GRM8: variants seen among roughly 807,000 people sequenced by gnomAD.
The protein encoded by GRM8 is metabotropic glutamate receptor 8.
GRM8 carries 47 observed loss-of-function variants against 87.2 expected under a neutral mutation model. The observed-to-expected ratio is 0.54, with a 90% CI of 0.43 to 0.69. The LOEUF (loss-of-function observed/expected upper bound fraction) is 0.69. Ranked by LOEUF, GRM8 falls within the 30% of genes least tolerant of loss-of-function variation. The pLI, the probability that GRM8 is intolerant of heterozygous loss-of-function variation, is 0.00. For synonymous variants in GRM8, 396 were observed against 404.5 expected, an observed-to-expected ratio of 0.98 and a Z score of 0.25; for missense variants, 1,019 against 1,139.2, an observed-to-expected ratio of 0.89 and a Z score of 1.52.
At chr7:126,560,100 T>C (rs1355580496) in intron 8 of GRM8, among the ~76,000 whole-genome samples, 1 of 152,224 alleles carries the variant, frequency 6.6e-6, no homozygotes, top group East Asian at 1.9e-4. Flanking sequence ...GTGCTGCCTT[T>C]GCTTTATTTT....
intron 7 of GRM8, among the ~76,000 whole-genome samples, chr7:126,662,363 T>TAATC (rs1805271914): frequency 6.6e-6 from 1 of 152,112 alleles, no homozygotes; most frequent in South Asian, 2.1e-4. Flanking sequence ...AAAGGAACAT[T>TAATC]AGCTTTAATC....
intron 9 of GRM8, among the ~76,000 whole-genome samples, chr7:126,468,546 C>T (rs980121333): frequency 6.6e-6 from 1 of 152,080 alleles, no homozygotes; most frequent in African/African-American, 2.4e-5. Flanking sequence ...TCCTGTGATA[C>T]TCCAGGATAT....
At chr7:126,792,673 T>C (rs1406759708) in intron 6 of GRM8, among the ~76,000 whole-genome samples, 1 of 152,208 alleles carries the variant, frequency 6.6e-6, no homozygotes, top group Non-Finnish European at 1.5e-5. Context: ...GCCATTGTTT[T>C]TCCAATGAAA....
intron 2 of GRM8, among the ~76,000 whole-genome samples, chr7:127,155,959 C>G (rs760365983): frequency 6.6e-6 from 1 of 152,130 alleles, no homozygotes; most frequent in Non-Finnish European, 1.5e-5. Flanking sequence ...CTGGAATTGA[C>G]GCCCTCTTGA....
chr7:126,780,039 G>A (rs1230126576), intron 6 of GRM8, among the ~76,000 whole-genome samples: 1 of 152,160 alleles, frequency 6.6e-6, no homozygotes, highest in Non-Finnish European at 1.5e-5. Flanking sequence ...TGATATGTGA[G>A]GCTATAAAAT....
chr7:126,522,684 G>A (rs1228516051), intron 9 of GRM8, among the ~76,000 whole-genome samples: 2 of 152,180 alleles, frequency 1.3e-5, no homozygotes, highest in African/African-American at 2.4e-5. Context: ...TTCTCTGAAA[G>A]TGTAAACCCA....
chr7:126,509,118 C>CATATTGGA (rs1376815299), intron 9 of GRM8, among the ~76,000 whole-genome samples: 1 of 151,998 alleles, frequency 6.6e-6, no homozygotes, highest in East Asian at 1.9e-4. Context: ...ATTTGAAAAG[C>CATATTGGA]ATATTGGAAC....
At chr7:126,531,401 A>C (rs986867368) in intron 9 of GRM8, among the ~76,000 whole-genome samples, 1 of 152,240 alleles carries the variant, frequency 6.6e-6, no homozygotes, top group Non-Finnish European at 1.5e-5. Flanking sequence ...GCTAAGAAAG[A>C]AAAAGGAATT....
chr7:127,120,467 GA>G (rs960545044), intron 2 of GRM8, among the ~76,000 whole-genome samples: 1 of 152,090 alleles, frequency 6.6e-6, no homozygotes, highest in African/African-American at 2.4e-5. Flanking sequence ...CATCACCTGG[GA>G]GCTTCTTAGA....
At chr7:126,835,212 A>G (rs1176500789) in intron 6 of GRM8, among the ~76,000 whole-genome samples, 6 of 152,218 alleles carry the variant, frequency 3.9e-5, no homozygotes, top group Non-Finnish European at 7.3e-5. Flanking sequence ...AATACATGAA[A>G]CTACTGATGT....
chr7:127,121,296 G>A (rs967414673), intron 2 of GRM8, among the ~76,000 whole-genome samples: 11 of 152,134 alleles, frequency 7.2e-5, no homozygotes, highest in Non-Finnish European at 1.3e-4. Flanking sequence ...CTAGAGCAGG[G>A]GCATCTCCCA....
chr7:127,001,100 G>A (rs1563399092), intron 3 of GRM8, among the ~76,000 whole-genome samples: 3 of 151,574 alleles, frequency 2.0e-5, no homozygotes, highest in African/African-American at 4.8e-5. Flanking sequence ...ATGACAGAAT[G>A]TCAGAAATAG....
At chr7:127,193,412 T>C (rs775807513) in intron 2 of GRM8, among the ~76,000 whole-genome samples, 2 of 152,172 alleles carry the variant, frequency 1.3e-5, no homozygotes, top group African/African-American at 4.8e-5. Flanking sequence ...TTTCATATCA[T>C]TTATTTGCTG....
chr7:127,220,783 C>A (rs1232943718), intron 2 of GRM8, among the ~76,000 whole-genome samples: 1 of 152,186 alleles, frequency 6.6e-6, no homozygotes, highest in Admixed American at 6.5e-5. Context: ...GCCACTGTGC[C>A]CCAGCCGCTG....
chr7:126,938,207 C>G (rs1200260309), intron 3 of GRM8, among the ~76,000 whole-genome samples: 3 of 152,134 alleles, frequency 2.0e-5, no homozygotes, highest in African/African-American at 4.8e-5. Flanking sequence ...GTCCCTTCCC[C>G]CTTCCCATGG....
Position 126,609,404 on chromosome 7 carries a change from C to G in GRM8, c.1452G>C (p.Glu484Asp). ...FQYQITNKSTEYKVIGHWTNQ... is the reference protein window; with the variant it reads ...FQYQITNKSTDYKVIGHWTNQ... ...TGGTCCAGTGGCCGATGACTTTGTA[C>G]TCTGTGCTTTTGTTGGTTATTTGAT... Residue 484 changes from glutamate to aspartate, a missense_variant, in exon 8 of 11, where the codon GAG becomes GAC. Physicochemically the swap from Glu to Asp is conservative, Grantham distance 45. Coordinates refer to ENST00000339582, the MANE Select transcript of GRM8 (RefSeq NM_000845.3). 1.2e-6 allele frequency: 2 copies of G among 1,613,648 alleles called. No homozygotes were observed. Among genetic ancestry groups the G allele is most frequent in the Non-Finnish European group, 1.7e-6 (2 of 1,179,584 alleles).
intron 8 of GRM8, among the ~76,000 whole-genome samples, chr7:126,590,309 T>C (rs1796558976): frequency 6.6e-6 from 1 of 151,696 alleles, no homozygotes; most frequent in African/African-American, 2.4e-5. Context: ...GTTTTTGAAA[T>C]AATCCAATTC....
intron 8 of GRM8, among the ~76,000 whole-genome samples, chr7:126,592,472 C>G (rs1291772701): frequency 6.6e-6 from 1 of 151,770 alleles, no homozygotes; most frequent in African/African-American, 2.4e-5. Context: ...AAGGATGGTT[C>G]AACATATGTA....
At chr7:126,524,469 G>T (rs1044255928) in intron 9 of GRM8, among the ~76,000 whole-genome samples, 1 of 152,078 alleles carries the variant, frequency 6.6e-6, no homozygotes, top group Non-Finnish European at 1.5e-5. Context: ...AAAGTTCCTA[G>T]AATTTTCTGT....
Sources: gnomAD v4.1 joint callset for allele counts (sites outside exome capture counted in the v4.1 genomes callset) on GRCh38, gnomAD v4.1.1 for gene constraint, MANE v1.5 for transcripts, NCBI Gene and HGNC (gene_info 2026-07-23, HGNC 2026-07-21) for gene names.